RBFOX1: variants seen among roughly 807,000 people sequenced by gnomAD.
The protein encoded by RBFOX1 is RNA binding protein fox-1 homolog 1.
RBFOX1 carries 8 observed loss-of-function variants against 57.7 expected under a neutral mutation model. That is an observed-to-expected ratio of 0.14 (90% confidence interval 0.08 to 0.25). The LOEUF (loss-of-function observed/expected upper bound fraction) is 0.25. RBFOX1 is among the 10% of genes least tolerant of loss of function. The pLI is 1.00. For synonymous variants in RBFOX1, 326 were observed against 222.4 expected (o/e 1.47, Z -4.15); for missense variants, 611 against 548.5 (o/e 1.11, Z -1.14).
intron 1 of RBFOX1, among the ~76,000 whole-genome samples, chr16:5,240,664 C>T (rs2062142969): frequency 1.3e-5 from 2 of 152,154 alleles, no homozygotes; most frequent in Admixed American, 6.5e-5. Flanking sequence ...TCCCAGAAAT[C>T]GCTCTCCTCT....
chr16:5,611,801 C>G (rs1001841553), intron 3 of RBFOX1, among the ~76,000 whole-genome samples: 1 of 121,882 alleles, frequency 8.2e-6, no homozygotes, highest in Non-Finnish European at 1.7e-5. Flanking sequence ...CATCCACCCA[C>G]CCACCCACCC....
rs555810106 is a variant in RBFOX1, at chr16:6,815,564, G to C, written c.-16+160914G>C. ...CATTATGCCAGTCTCTATCCATACA[G>C]TATCTCATTTAATCCTCCCGTCATT... On this transcript the variant is annotated intron_variant, in intron 3 of 15. Coordinates refer to ENST00000550418, the MANE Select transcript of RBFOX1 (RefSeq NM_018723.4). Among the ~76,000 whole-genome samples the C allele has an allele frequency of 2.6e-5, 4 of 152,268 alleles. No individual in the cohort carries two copies. The South Asian group carries it at 8.3e-4, about 32-fold the overall frequency.
At chr16:6,593,584 C>G (rs1295595805) in intron 2 of RBFOX1, among the ~76,000 whole-genome samples, 1 of 152,166 alleles carries the variant, frequency 6.6e-6, no homozygotes, top group Non-Finnish European at 1.5e-5. Flanking sequence ...TTTGTTGCTT[C>G]TCTTCATGAT....
rs558100985 is a variant in RBFOX1 at position 5,963,036 on chromosome 16, C to T, written c.351+95701C>T. On this transcript the variant is annotated intron_variant, in intron 4 of 19. Coordinates refer to the RBFOX1 transcript ENST00000641259. ...GATAGAATGGCATTTTACTCATTTA[C>T]GGTTGTATTATGTATCCTGATCGTA... Among the ~76,000 whole-genome samples, 7 of 151,986 alleles carry T rather than the reference C, an allele frequency of 4.6e-5. No homozygotes were observed. The South Asian group carries it at 6.2e-4, about 14-fold the overall frequency.
At chr16:5,983,058 C>G (rs1045830949) in intron 4 of RBFOX1, among the ~76,000 whole-genome samples, 1 of 152,210 alleles carries the variant, frequency 6.6e-6, no homozygotes, top group East Asian at 1.9e-4. Context: ...GCGCTGATGT[C>G]TGCAGCTCTG....
intron 2 of RBFOX1, among the ~76,000 whole-genome samples, chr16:6,645,617 T>C (rs186489667): frequency 6.6e-6 from 1 of 152,238 alleles, no homozygotes; most frequent in East Asian, 1.9e-4. Context: ...ACATGAGTGC[T>C]TTGATGTCTA....
At position 6,494,997 on chromosome 16, in the gene RBFOX1, C is replaced by T. The variant is rs140944166; in HGVS notation, c.-63-159606C>T. ...TCTTACTTATGGAGGAAACACCAAG[C>T]ACAAAATGGTTAAGTAACTTGCCCA... On this transcript the variant is annotated intron_variant, in intron 2 of 15. Coordinates refer to ENST00000550418, the MANE Select transcript of RBFOX1 (RefSeq NM_018723.4). 5.3e-5 allele frequency among the ~76,000 whole-genome samples: 8 copies of T among 152,280 alleles called. No individual in the cohort carries two copies. The East Asian group carries it at 1.5e-3, about 29-fold the overall frequency.
At chr16:7,278,211 C>G (rs914325680) in intron 4 of RBFOX1, among the ~76,000 whole-genome samples, 6 of 152,136 alleles carry the variant, frequency 3.9e-5, no homozygotes, top group African/African-American at 1.4e-4. Context: ...ATGCATTCAA[C>G]AAATTAACCA....
intron 4 of RBFOX1, among the ~76,000 whole-genome samples, chr16:7,086,669 G>A (rs1467309586): frequency 6.6e-6 from 1 of 151,584 alleles, no homozygotes; most frequent in Non-Finnish European, 1.5e-5. Context: ...TTTTATGCCT[G>A]CTGCAAAATT....
At chr16:7,545,333 G>T (rs984584838) in intron 5 of RBFOX1, among the ~76,000 whole-genome samples, 3 of 151,812 alleles carry the variant, frequency 2.0e-5, no homozygotes, top group Non-Finnish European at 4.4e-5. Context: ...TGGAGGTGGC[G>T]GCATTGTTTG....
At chr16:7,387,825 A>G (rs1432765918) in intron 4 of RBFOX1, among the ~76,000 whole-genome samples, 1 of 152,032 alleles carries the variant, frequency 6.6e-6, no homozygotes, top group African/African-American at 2.4e-5. Flanking sequence ...CTTCGCCATC[A>G]GTTTAAAACG....
At chr16:6,379,319 G>T (rs1453915626) in intron 2 of RBFOX1, among the ~76,000 whole-genome samples, 1 of 152,036 alleles carries the variant, frequency 6.6e-6, no homozygotes, top group Non-Finnish European at 1.5e-5. Flanking sequence ...AAAAAATAAG[G>T]TGGCCCAAAA....
At chr16:5,778,867 C>T (rs1237931807) in intron 3 of RBFOX1, among the ~76,000 whole-genome samples, 2 of 152,160 alleles carry the variant, frequency 1.3e-5, no homozygotes, top group Non-Finnish European at 2.9e-5. Flanking sequence ...CTGTTATTGT[C>T]ATCTGCCTGA....
At chr16:5,309,048 C>G (rs1473358577) in intron 1 of RBFOX1, among the ~76,000 whole-genome samples, 1 of 152,128 alleles carries the variant, frequency 6.6e-6, no homozygotes, top group African/African-American at 2.4e-5. Context: ...TTCCTCTACT[C>G]CACTTCCTGT....
intron 2 of RBFOX1, among the ~76,000 whole-genome samples, chr16:6,468,065 G>T (rs2095091181): frequency 6.6e-6 from 1 of 152,144 alleles, no homozygotes; most frequent in Middle Eastern, 3.2e-3. Context: ...TGGATGGTTT[G>T]GGGGAATACG....
intron 3 of RBFOX1, among the ~76,000 whole-genome samples, chr16:5,695,947 T>G (rs2050830469): frequency 6.6e-6 from 1 of 152,062 alleles, no homozygotes; most frequent in Admixed American, 6.6e-5. Context: ...AGAGAAGAAT[T>G]TGCCCCTAAA....
chr16:6,081,804 T>C (rs2152508683), intron 1 of RBFOX1, among the ~76,000 whole-genome samples: 1 of 152,324 alleles, frequency 6.6e-6, no homozygotes, highest in African/African-American at 2.4e-5. Context: ...CTTTCCATTG[T>C]TGGTAGATTC....
intron 4 of RBFOX1, among the ~76,000 whole-genome samples, chr16:7,080,049 T>TAG (rs1447875456): frequency 7.0e-6 from 1 of 142,936 alleles, no homozygotes; most frequent in Admixed American, 7.1e-5. Context: ...GATGTATATA[T>TAG]ATATACATAT....
chr16:6,223,268 A>G (rs1426334765), intron 1 of RBFOX1, among the ~76,000 whole-genome samples: 1 of 151,274 alleles, frequency 6.6e-6, no homozygotes, highest in South Asian at 2.1e-4. Flanking sequence ...TCCCTGAGGA[A>G]TCGCCACACT....
Sources: allele counts gnomAD v4.1 joint callset (sites outside exome capture counted in the v4.1 genomes callset), GRCh38; gene constraint gnomAD v4.1.1; transcripts MANE v1.5; gene names NCBI Gene and HGNC (gene_info 2026-07-23, HGNC 2026-07-21).